Variants in ASTN1 observed in about 807,000 individuals in gnomAD.
The protein encoded by ASTN1 is astrotactin 1.
In ASTN1, 41 loss-of-function variants were observed where a neutral mutation model predicts 140.7. The observed-to-expected ratio is 0.29, with a 90% CI of 0.23 to 0.38. The LOEUF is 0.38. Among genes scored for constraint, ASTN1 ranks in the 10% least tolerant of loss-of-function variants. ASTN1 has a pLI of 1.00. For missense variants in ASTN1, 1,479 were observed against 1,678.8 expected, an observed-to-expected ratio of 0.88 and a Z score of 2.08; for synonymous variants, 640 against 652.2, an observed-to-expected ratio of 0.98 and a Z score of 0.29.
At chr1:177,026,143 G>A (rs1306307253) in intron 5 of ASTN1, among the ~76,000 whole-genome samples, 1 of 152,182 alleles carries the variant, frequency 6.6e-6, no homozygotes, top group Admixed American at 6.5e-5. Context: ...GGGTGCATGT[G>A]TTGGCAGTAG....
intron 7 of ASTN1, among the ~76,000 whole-genome samples, chr1:177,020,861 G>T (rs1430464217): frequency 6.6e-6 from 1 of 151,626 alleles, no homozygotes; most frequent in African/African-American, 2.4e-5. Flanking sequence ...TTGTGTGTTT[G>T]TGTGTGTGTG....
intron 18 of ASTN1, 71 bp from the exon 19 acceptor site, chr1:176,884,561 A>G (rs542100229): frequency 6.7e-6 from 10 of 1,493,540 alleles, no homozygotes; most frequent in African/African-American, 2.7e-5. Flanking sequence ...GACTACCTCA[A>G]TTGTGATACT....
chr1:177,086,032 T>G (rs1679448364), intron 1 of ASTN1, among the ~76,000 whole-genome samples: 1 of 152,180 alleles, frequency 6.6e-6, no homozygotes, highest in Non-Finnish European at 1.5e-5. Flanking sequence ...GAAAGGGGTC[T>G]GCAGAGCCCA....
chr1:176,893,997 T>C (rs1330161109), intron 17 of ASTN1, among the ~76,000 whole-genome samples: 1 of 152,164 alleles, frequency 6.6e-6, no homozygotes, highest in South Asian at 2.1e-4. Context: ...CCCAGCAGCA[T>C]AATAGAAAGG....
At chr1:176,938,899 A>T (rs1671563179) in intron 14 of ASTN1, among the ~76,000 whole-genome samples, 1 of 152,048 alleles carries the variant, frequency 6.6e-6, no homozygotes, top group African/African-American at 2.4e-5. Flanking sequence ...AGATCACTTG[A>T]GGTCAGGAGT....
At chr1:176,925,412 A>C (rs1670913302) in intron 16 of ASTN1, among the ~76,000 whole-genome samples, 1 of 152,216 alleles carries the variant, frequency 6.6e-6, no homozygotes, top group Non-Finnish European at 1.5e-5. Flanking sequence ...TCAGAAACGC[A>C]GAATTTCAGG....
intron 1 of ASTN1, among the ~76,000 whole-genome samples, chr1:177,109,735 G>C (rs1680724767): frequency 6.6e-6 from 1 of 152,128 alleles, no homozygotes; most frequent in Admixed American, 6.6e-5. Context: ...CATCTGTCTG[G>C]AACTGTCCAA....
chr1:176,882,723 GCCA>G, intron 20 of ASTN1, 133 bp downstream of exon 20: 1 of 1,230,750 alleles, frequency 8.1e-7, no homozygotes, highest in Non-Finnish European at 1.1e-6. Flanking sequence ...TCTCTATAAT[GCCA>G]CCTGGGATAA....
intron 8 of ASTN1, among the ~76,000 whole-genome samples, chr1:176,980,694 C>T (rs886851763): frequency 6.6e-6 from 1 of 151,882 alleles, no homozygotes; most frequent in African/African-American, 2.4e-5. Context: ...TGGAATGGGG[C>T]AAGGAGAAGC....
Position 176,864,061 on chromosome 1 carries a change from C to A in ASTN1, c.*223G>T. ...AAAGTAATCCTCTAAAGAAATATGGCACTGCATGAAGCCACTGGCTGGCAG... is the reference window on the plus strand; with the variant it reads ...AAAGTAATCCTCTAAAGAAATATGGAACTGCATGAAGCCACTGGCTGGCAG... On this transcript the variant is annotated 3_prime_UTR_variant, in exon 23 of 23. Transcript: ENST00000361833. 7.3e-7 allele frequency: 1 copy of A among 1,372,308 alleles called. No individual in the cohort carries two copies. The highest frequency in any genetic ancestry group is 9.4e-7 in the Non-Finnish European group (1 of 1,063,464). The allele number at this position is 1,372,308 out of a possible 1,614,324, so 85.0% of individuals were successfully genotyped here. A position where few individuals can be genotyped will look rare whatever the true frequency, so the allele number is the denominator to read the frequency against.
chr1:176,925,461 CA>C (rs1670915082), intron 16 of ASTN1, among the ~76,000 whole-genome samples: 1 of 152,168 alleles, frequency 6.6e-6, no homozygotes, highest in Non-Finnish European at 1.5e-5. Flanking sequence ...TCCATTTTAA[CA>C]AGATCTTAGG....
intron 1 of ASTN1, among the ~76,000 whole-genome samples, chr1:177,066,276 T>G (rs533460036): frequency 1.2e-4 from 19 of 152,186 alleles, no homozygotes; most frequent in Non-Finnish European, 1.3e-4. Context: ...GGGCTCTCAT[T>G]CATGCTGGTA....
At chr1:177,064,936 G>A (rs1012458191) in intron 1 of ASTN1, among the ~76,000 whole-genome samples, 15 of 152,218 alleles carry the variant, frequency 9.9e-5, no homozygotes, top group Non-Finnish European at 1.9e-4. Flanking sequence ...ATAGGACTGA[G>A]ATCAGAGCTT....
Position 177,132,793 on chromosome 1 carries a change from T to C in ASTN1, c.283+31601A>G, listed in dbSNP as rs16850827. ...TGTGTTTAGCAGGTCTAAACTGCTA[T>C]GATGCCAGTAAAGCTGTTCACTGAA... On this transcript the variant is annotated intron_variant, in intron 1 of 22. Coordinates refer to ENST00000361833, the MANE Select transcript of ASTN1 (RefSeq NM_004319.3). 6.7e-3 allele frequency among the ~76,000 whole-genome samples: 1,027 copies of C among 152,346 alleles called. 67 individuals carry two copies. In the East Asian group the frequency reaches 0.13, roughly 19 times the overall value.
intron 8 of ASTN1, among the ~76,000 whole-genome samples, chr1:177,002,839 T>C (rs1318988980): frequency 1.3e-5 from 2 of 152,096 alleles, no homozygotes; most frequent in East Asian, 3.8e-4. Flanking sequence ...AATATCCAGT[T>C]CGACCTCTAT....
intron 8 of ASTN1, among the ~76,000 whole-genome samples, chr1:176,993,747 T>C (rs35821414): frequency 6.6e-6 from 1 of 152,216 alleles, no homozygotes; most frequent in African/African-American, 2.4e-5. Context: ...TTCTACTATG[T>C]ATATCTAAAT....
intron 17 of ASTN1, among the ~76,000 whole-genome samples, chr1:176,893,939 G>A (rs1042333767): frequency 6.6e-6 from 1 of 152,194 alleles, no homozygotes; most frequent in African/African-American, 2.4e-5. Context: ...GGCATCTTTG[G>A]AAAGGGAGAG....
chr1:176,942,830 ATATATG>A (rs1406611327), intron 14 of ASTN1, among the ~76,000 whole-genome samples: 1,815 of 26,926 alleles, frequency 0.067, 252 homozygotes, highest in African/African-American at 0.12. Flanking sequence ...GTATATATAT[ATATATG>A]TATATATATA....
At chr1:176,979,499 C>T (rs912350462) in intron 8 of ASTN1, among the ~76,000 whole-genome samples, 1 of 152,194 alleles carries the variant, frequency 6.6e-6, no homozygotes, top group African/African-American at 2.4e-5. Flanking sequence ...TTAGTCCACT[C>T]CTCCCTGTCT....
Sources: allele counts gnomAD v4.1 joint callset (sites outside exome capture counted in the v4.1 genomes callset), GRCh38; gene constraint gnomAD v4.1.1; transcripts MANE v1.5; gene names NCBI Gene and HGNC (gene_info 2026-07-23, HGNC 2026-07-21).